The following LCMT1 variants were observed in gnomAD, a reference collection of about 807,000 sequenced individuals.
LCMT1 encodes leucine carboxyl methyltransferase 1.
A neutral mutation model predicts 47.7 loss-of-function variants in LCMT1; 32 were observed. The observed-to-expected ratio is 0.67, with a 90% confidence interval of 0.51 to 0.90. The LOEUF is 0.90. LCMT1 is among the 40% of genes least tolerant of loss of function. The pLI, the probability that LCMT1 is intolerant of heterozygous loss-of-function variation, is 0.00. For missense variants in LCMT1, 375 were observed against 415.2 expected, an observed-to-expected ratio of 0.90 and a Z score of 0.84; for synonymous variants, 152 against 149.7, an observed-to-expected ratio of 1.02 and a Z score of -0.11.
intron 2 of LCMT1, among the ~76,000 whole-genome samples, chr16:25,131,804 A>G (rs1960355780): frequency 6.6e-6 from 1 of 152,194 alleles, no homozygotes; most frequent in African/African-American, 2.4e-5. Context: ...CCTCCCAAGA[A>G]GCTGGGATTA....
intron 3 of LCMT1, among the ~76,000 whole-genome samples, chr16:25,133,863 G>C (rs1960425340): frequency 6.6e-6 from 1 of 151,404 alleles, no homozygotes; most frequent in Admixed American, 6.6e-5. Flanking sequence ...GTGAAACCCT[G>C]TCTCTGTTAA....
chr16:25,159,692 T>G (rs932436874), intron 5 of LCMT1, among the ~76,000 whole-genome samples: 1 of 152,316 alleles, frequency 6.6e-6, no homozygotes, highest in Admixed American at 6.5e-5. Context: ...CTTTAGCTTA[T>G]GGTGTGTAGC....
intron 1 of LCMT1, among the ~76,000 whole-genome samples, chr16:25,115,428 G>A (rs899179922): frequency 6.6e-6 from 1 of 152,126 alleles, no homozygotes; most frequent in Non-Finnish European, 1.5e-5. Flanking sequence ...CACACAGTAG[G>A]GTGGCTTGGT....
intron 4 of LCMT1, chr16:25,147,010 T>C (rs1960878625): frequency 3.9e-5 from 6 of 152,208 alleles, no homozygotes; most frequent in African/African-American, 1.2e-4. Flanking sequence ...TGACTGCATA[T>C]TGGTCTTTAG....
intron 1 of LCMT1, among the ~76,000 whole-genome samples, chr16:25,114,314 G>C (rs1237016641): frequency 1.3e-5 from 2 of 152,188 alleles, no homozygotes; most frequent in Non-Finnish European, 2.9e-5. Flanking sequence ...AGTGCTTGCA[G>C]CAGTGCTTGG....
chr16:25,127,829 C>T (rs1224507886), intron 1 of LCMT1, among the ~76,000 whole-genome samples: 1 of 152,218 alleles, frequency 6.6e-6, no homozygotes, highest in Non-Finnish European at 1.5e-5. Flanking sequence ...AAAGCTGGTT[C>T]TACTCATGGT....
intron 5 of LCMT1, among the ~76,000 whole-genome samples, chr16:25,156,940 C>CTTTTTTTTTTT (rs5816285): frequency 7.7e-6 from 1 of 130,038 alleles, no homozygotes. Context: ...TCCATTTTAC[C>CTTTTTTTTTTT]TTTTTTTTTT....
At chr16:25,161,885 TATC>T (rs1961443921) in intron 6 of LCMT1, among the ~76,000 whole-genome samples, 1 of 151,720 alleles carries the variant, frequency 6.6e-6, no homozygotes, top group African/African-American at 2.4e-5. Context: ...AGAAACTGAA[TATC>T]ATATGAAACA....
chr16:25,117,767 G>A (rs998882823), intron 1 of LCMT1, among the ~76,000 whole-genome samples: 5 of 151,710 alleles, frequency 3.3e-5, no homozygotes, highest in African/African-American at 1.2e-4. Flanking sequence ...TGGGAGAATC[G>A]CTTGAACTGG....
chr16:25,171,210 A>G (rs1310033437), intron 9 of LCMT1, among the ~76,000 whole-genome samples: 1 of 152,040 alleles, frequency 6.6e-6, no homozygotes, highest in East Asian at 1.9e-4. Flanking sequence ...GCTTCACTCC[A>G]GCCTGGGCAA....
intron 6 of LCMT1, among the ~76,000 whole-genome samples, chr16:25,163,650 C>T (rs1446871970): frequency 1.3e-5 from 2 of 152,074 alleles, no homozygotes; most frequent in South Asian, 2.1e-4. Flanking sequence ...TAATGACATT[C>T]GATTGTTTCA....
chr16:25,117,257 C>T (rs1261322088), intron 1 of LCMT1, among the ~76,000 whole-genome samples: 1 of 152,208 alleles, frequency 6.6e-6, no homozygotes, highest in Non-Finnish European at 1.5e-5. Flanking sequence ...TTGCAGTGCA[C>T]TCTTACCTGC....
chr16:25,157,005 T>A (rs1005943822), intron 5 of LCMT1, among the ~76,000 whole-genome samples: 1 of 151,866 alleles, frequency 6.6e-6, no homozygotes, highest in Non-Finnish European at 1.5e-5. Context: ...AAGGTCACTT[T>A]GCAATGCTTA....
chr16:25,162,749 C>T (rs277901), intron 6 of LCMT1, among the ~76,000 whole-genome samples: 35,674 of 151,984 alleles, frequency 0.23, 4,310 homozygotes, highest in East Asian at 0.34. Flanking sequence ...GATGGTTCCT[C>T]GAAGAGAAGA....
intron 2 of LCMT1, among the ~76,000 whole-genome samples, chr16:25,131,231 C>A (rs1291144635): frequency 6.6e-6 from 1 of 152,240 alleles, no homozygotes; most frequent in Non-Finnish European, 1.5e-5. Flanking sequence ...AAAACAAGGA[C>A]ATGCAATTTT....
Position 25,128,561 on chromosome 16 carries a change from A to G in LCMT1, c.200A>G (p.Asn67Ser), listed in dbSNP as rs1271175527. 1.3e-6 allele frequency: 2 copies of G among 1,596,498 alleles called. No homozygotes were observed. The highest frequency in any genetic ancestry group is 3.5e-5 in the Admixed American group (2 of 57,392). ...AAAGAGAGGAAAGCCCCTGAAATCA[A>G]CAGAGGCAAGTGACCATCTCCCTCC... ...LSKERKAPEI[N>S]RGYFARVHGV... Residue 67 changes from asparagine to serine, a missense_variant, in exon 2 of 11, where the codon AAC becomes AGC. Transcript: ENST00000399069.
intron 1 of LCMT1, among the ~76,000 whole-genome samples, chr16:25,118,235 C>T (rs1453069776): frequency 6.6e-6 from 1 of 152,076 alleles, no homozygotes; most frequent in African/African-American, 2.4e-5. Flanking sequence ...ACTTCCCCAG[C>T]CTCACTTCAT....
chr16:25,151,696 G>GGTGTTTGT, intron 5 of LCMT1, 81 bp downstream of exon 5: 1 of 600,594 alleles, frequency 1.7e-6, no homozygotes. Context: ...GTTTGTGTTG[G>GGTGTTTGT]GTGTGTGTGT....
chr16:25,151,975 C>T (rs1337587508), intron 5 of LCMT1, among the ~76,000 whole-genome samples: 5 of 151,996 alleles, frequency 3.3e-5, no homozygotes, highest in Non-Finnish European at 7.4e-5. Context: ...TTATGAAGGG[C>T]GAACTGTGTA....
Sources: gnomAD v4.1 joint callset for allele counts (sites outside exome capture counted in the v4.1 genomes callset) on GRCh38, gnomAD v4.1.1 for gene constraint, MANE v1.5 for transcripts, NCBI Gene and HGNC (gene_info 2026-07-23, HGNC 2026-07-21) for gene names.